The following LRP1B variants were observed in gnomAD, a reference collection of about 807,000 sequenced individuals.
The protein encoded by LRP1B is low-density lipoprotein receptor-related protein 1B.
LRP1B carries 217 observed loss-of-function variants against 556.6 expected under a neutral mutation model. That is an observed-to-expected ratio of 0.39 (90% CI 0.35 to 0.44). LRP1B has a LOEUF of 0.44. Ranked by LOEUF, LRP1B falls within the 20% of genes least tolerant of loss-of-function variation. The pLI is 1.00. For missense variants in LRP1B, 5,053 were observed against 5,620.8 expected (o/e 0.90, Z 3.23); for synonymous variants, 2,047 against 1,865.8 (o/e 1.10, Z -2.50).
chr2:141,782,381 A>G (rs142983681), intron 2 of LRP1B, among the ~76,000 whole-genome samples: 2 of 152,130 alleles, frequency 1.3e-5, no homozygotes, highest in African/African-American at 4.8e-5. Context: ...CCGCTTATGC[A>G]TGTTTTTGAC....
intron 5 of LRP1B, among the ~76,000 whole-genome samples, chr2:141,244,099 T>C (rs1315659242): frequency 6.6e-6 from 1 of 152,190 alleles, no homozygotes; most frequent in Non-Finnish European, 1.5e-5. Context: ...TGTTCTATGT[T>C]GCACTAGTTC....
chr2:140,882,353 A>C (rs936104439), intron 25 of LRP1B, among the ~76,000 whole-genome samples: 17 of 152,144 alleles, frequency 1.1e-4, no homozygotes, highest in African/African-American at 4.1e-4. Context: ...AGGCTTTTTC[A>C]TGATCAATTG....
At chr2:140,234,143 A>G (rs1315555908) in intron 90 of LRP1B, among the ~76,000 whole-genome samples, 1 of 151,336 alleles carries the variant, frequency 6.6e-6, no homozygotes, top group African/African-American at 2.4e-5. Flanking sequence ...TCTTTGAGCC[A>G]TGCAATTGAG....
At chr2:140,352,233 T>C (rs2105119927) in intron 76 of LRP1B, among the ~76,000 whole-genome samples, 1 of 152,278 alleles carries the variant, frequency 6.6e-6, no homozygotes, top group Non-Finnish European at 1.5e-5. Context: ...TGGAGTTCAG[T>C]GGCGCAATCC....
chr2:141,970,985 TCTAA>T (rs1701714727), intron 1 of LRP1B, among the ~76,000 whole-genome samples: 2 of 151,526 alleles, frequency 1.3e-5, no homozygotes, highest in South Asian at 2.1e-4. Flanking sequence ...TCATTCACAT[TCTAA>T]CTATTTCACT....
chr2:141,192,492 C>T (rs1681557556), intron 6 of LRP1B, among the ~76,000 whole-genome samples: 1 of 151,914 alleles, frequency 6.6e-6, no homozygotes, highest in African/African-American at 2.4e-5. Context: ...CATTTTATGA[C>T]ATTACTAAAA....
chr2:141,971,931 C>G (rs1023423236), intron 1 of LRP1B, among the ~76,000 whole-genome samples: 1 of 151,394 alleles, frequency 6.6e-6, no homozygotes, highest in African/African-American at 2.4e-5. Flanking sequence ...ATCATCCGTG[C>G]TATTCTCTCT....
intron 41 of LRP1B, among the ~76,000 whole-genome samples, chr2:140,693,245 T>C (rs997126951): frequency 2.0e-5 from 3 of 152,198 alleles, no homozygotes; most frequent in Non-Finnish European, 4.4e-5. Flanking sequence ...GCCTTGGCAA[T>C]TGGTGATATT....
At chr2:142,129,195 G>A (rs998935478) in intron 1 of LRP1B, among the ~76,000 whole-genome samples, 3 of 152,184 alleles carry the variant, frequency 2.0e-5, no homozygotes, top group Non-Finnish European at 2.9e-5. Context: ...ATTTCAAGGC[G>A]AGCTATGTGC....
chr2:141,107,579 G>A (rs1021267573), intron 7 of LRP1B, among the ~76,000 whole-genome samples: 1 of 152,122 alleles, frequency 6.6e-6, no homozygotes, highest in South Asian at 2.1e-4. Context: ...CCAGAAGGTG[G>A]AGGTTGCAGT....
chr2:141,720,351 C>CATA (rs1389385484), intron 2 of LRP1B, among the ~76,000 whole-genome samples: 1 of 152,052 alleles, frequency 6.6e-6, no homozygotes, highest in Non-Finnish European at 1.5e-5. Context: ...ACATATGTCA[C>CATA]TGAGTAGAGA....
chr2:142,080,197 A>G (rs1184798954), intron 1 of LRP1B, among the ~76,000 whole-genome samples: 2 of 152,158 alleles, frequency 1.3e-5, no homozygotes, highest in African/African-American at 4.8e-5. Flanking sequence ...CTGCTGCTAC[A>G]TGTCTTCCAG....
chr2:141,807,252 C>A lies in LRP1B; in HGVS notation c.205+3027G>T, dbSNP rs139083433. ...TTGAGAAATTTAAATTTGGCAAAGA[C>A]TGATATTTTCATAACGCTTTTTTTT... On this transcript the variant is annotated intron_variant, in intron 2 of 90. Transcript: ENST00000389484. 5.8e-5 allele frequency among the ~76,000 whole-genome samples: 8 copies of A among 137,646 alleles called. No individual in the cohort carries two copies. In the East Asian group the frequency reaches 1.7e-3, roughly 30 times the overall value. 90.3% of individuals were successfully genotyped at this position (137,646 alleles called of 152,430 possible).
At position 140,350,962 on chromosome 2, in the gene LRP1B, G is replaced by A. The variant is rs16843826; in HGVS notation, c.11727C>T (p.Gly3909=). 33,586 of 1,608,138 alleles carry A rather than the reference G, an allele frequency of 0.021. 446 individuals are homozygous for A. The highest frequency in any genetic ancestry group is 0.051 in the African/African-American group (3,814 of 74,702). Residue 3909 remains glycine, a synonymous_variant, in exon 77 of 91, where the codon GGC becomes GGT. Transcript: ENST00000389484. The part of the protein sequence containing the change: ...LGFIYPFNYS[G]DHQQISHIEH... The stretch of plus-strand genomic sequence containing the variant: ...CAATATGAGAAATTTGTTGATGATC[G>A]CCACTGTAGTTGAATGGATATATAA...
chr2:141,093,398 G>C (rs1700219259), intron 7 of LRP1B, among the ~76,000 whole-genome samples: 1 of 152,134 alleles, frequency 6.6e-6, no homozygotes, highest in South Asian at 2.1e-4. Context: ...AGAAGGAATG[G>C]TGTAAAATAG....
intron 3 of LRP1B, among the ~76,000 whole-genome samples, chr2:141,466,081 G>T (rs1236818485): frequency 6.6e-6 from 1 of 151,334 alleles, no homozygotes; most frequent in Non-Finnish European, 1.5e-5. Flanking sequence ...TAGAGATGGG[G>T]TTTCACCATC....
At chr2:141,023,908 CG>C (rs1698141282) in intron 11 of LRP1B, among the ~76,000 whole-genome samples, 1 of 151,962 alleles carries the variant, frequency 6.6e-6, no homozygotes, top group Non-Finnish European at 1.5e-5. Context: ...TGAGTTGGAA[CG>C]GAAGTGTCTA....
At chr2:140,598,367 C>G (rs943977356) in intron 43 of LRP1B, among the ~76,000 whole-genome samples, 1 of 152,116 alleles carries the variant, frequency 6.6e-6, no homozygotes, top group Admixed American at 6.6e-5. Context: ...CTATTAATAA[C>G]TAGAAGGAAA....
intron 60 of LRP1B, among the ~76,000 whole-genome samples, chr2:140,473,567 TAGG>T (rs1406495331): frequency 2.6e-5 from 4 of 151,864 alleles, no homozygotes; most frequent in African/African-American, 9.7e-5. Flanking sequence ...TAATAATAAG[TAGG>T]AGATGAAGTC....
Sources: gnomAD v4.1 joint callset for allele counts (sites outside exome capture counted in the v4.1 genomes callset) on GRCh38, gnomAD v4.1.1 for gene constraint, MANE v1.5 for transcripts, NCBI Gene and HGNC (gene_info 2026-07-23, HGNC 2026-07-21) for gene names.